Variants in CYB5R4 observed in about 807,000 individuals in gnomAD.
CYB5R4 encodes N-terminal cytochrome b5 and cytochrome b5 oxidoreductase domain-containing protein.
CYB5R4 carries 55 observed loss-of-function variants against 70.2 expected under a neutral mutation model. That is an observed-to-expected ratio of 0.78 (90% CI 0.63 to 0.98). CYB5R4 has a LOEUF of 0.98. CYB5R4 is among the 50% of genes least tolerant of loss of function. The pLI, the probability that CYB5R4 is intolerant of heterozygous loss-of-function variation, is 0.00. For synonymous variants in CYB5R4, 197 were observed against 199.5 expected (o/e 0.99, Z 0.11); for missense variants, 562 against 612.6 (o/e 0.92, Z 0.87).
At chr6:83,894,859 G>T (rs1178424471) in intron 3 of CYB5R4, among the ~76,000 whole-genome samples, 1 of 152,142 alleles carries the variant, frequency 6.6e-6, no homozygotes, top group Non-Finnish European at 1.5e-5. Flanking sequence ...TGAGGAGGAG[G>T]AGGAGAAATA....
intron 14 of CYB5R4, among the ~76,000 whole-genome samples, chr6:83,947,204 CAG>C (rs2099470759): frequency 6.6e-6 from 1 of 152,088 alleles, no homozygotes; most frequent in South Asian, 2.1e-4. Context: ...GGTACCAAAA[CAG>C]ATATATAGAC....
At chr6:83,869,802 G>A (rs1173264509) in intron 2 of CYB5R4, among the ~76,000 whole-genome samples, 3 of 151,524 alleles carry the variant, frequency 2.0e-5, no homozygotes, top group East Asian at 1.9e-4. Flanking sequence ...CAGCCTGGGC[G>A]ACAAGGGCAT....
intron 2 of CYB5R4, among the ~76,000 whole-genome samples, chr6:83,874,271 G>A (rs754832370): frequency 8.0e-5 from 12 of 149,742 alleles, no homozygotes; most frequent in African/African-American, 3.0e-4. Flanking sequence ...GCTCACTGTG[G>A]CCTCAACCTC....
intron 3 of CYB5R4, among the ~76,000 whole-genome samples, chr6:83,897,050 T>A (rs1176507793): frequency 6.7e-6 from 1 of 149,824 alleles, no homozygotes; most frequent in East Asian, 2.0e-4. Context: ...CCTAATGCTA[T>A]CCCTCCCCCG....
intron 11 of CYB5R4, among the ~76,000 whole-genome samples, chr6:83,935,907 C>T (rs917140175): frequency 2.0e-5 from 3 of 151,550 alleles, no homozygotes; most frequent in Non-Finnish European, 4.4e-5. Flanking sequence ...TGTTGTAGCC[C>T]ATTACAAAGT....
At chr6:83,910,132 C>T (rs779131996) in intron 4 of CYB5R4, 9 of 1,610,124 alleles carry the variant, frequency 5.6e-6, no homozygotes, top group Middle Eastern at 3.3e-4. Context: ...TGGGCTGAGA[C>T]ATTACTTTCA....
At chr6:83,872,930 G>A (rs2099457872) in intron 2 of CYB5R4, among the ~76,000 whole-genome samples, 1 of 152,126 alleles carries the variant, frequency 6.6e-6, no homozygotes, top group South Asian at 2.1e-4. Context: ...GGATGCTAGG[G>A]GAAAACATTA....
rs1399647821 is a variant in CYB5R4, at chr6:83,936,253, G to A, written c.985G>A (p.Val329Ile). 15 of 1,601,428 alleles carry A rather than the reference G, an allele frequency of 9.4e-6. No individual in the cohort carries two copies. The highest frequency in any genetic ancestry group is 1.3e-5 in the Non-Finnish European group (15 of 1,176,000). The change falls in exon 12 of 16, where the codon GTA (valine) becomes ATA (isoleucine). Residue 329 changes from valine to isoleucine, a missense_variant. By Grantham distance (29) the Val-to-Ile change is conservative. Coordinates refer to ENST00000369681, the MANE Select transcript of CYB5R4 (RefSeq NM_016230.4). ...GTEIVKPYTPVSGSLLSEFKE... is the reference protein window; with the variant it reads ...GTEIVKPYTPISGSLLSEFKE... ...AGAAATAGTAAAGCCATATACACCTGTATCTGGTTCCTTACTCTCAGAGTT... is the reference window on the plus strand; with the variant it reads ...AGAAATAGTAAAGCCATATACACCTATATCTGGTTCCTTACTCTCAGAGTT...
At position 83,960,071 on chromosome 6, in the gene CYB5R4, A is replaced by G. The variant is rs2099473083; in HGVS notation, c.*193A>G. 4.8e-6 allele frequency: 2 copies of G among 420,970 alleles called. No individual in the cohort carries two copies. The highest frequency in any genetic ancestry group is 4.6e-5 in the Admixed American group (1 of 21,934). The allele number at this position is 420,970 out of a possible 1,614,324, so 26.1% of individuals were successfully genotyped here. A position where few individuals can be genotyped will look rare whatever the true frequency, so the allele number is the denominator to read the frequency against. On this transcript the variant is annotated 3_prime_UTR_variant, in exon 16 of 16. Transcript: ENST00000369681. ...CTTTTGTACCACAACTTATTTTACT[A>G]CTGATATTTGACCTGGAAAGTTAAT...
At chr6:83,907,728 A>G (rs548292677) in intron 3 of CYB5R4, among the ~76,000 whole-genome samples, 13 of 152,124 alleles carry the variant, frequency 8.5e-5, no homozygotes, top group African/African-American at 2.9e-4. Context: ...AACATGTAGT[A>G]TTTGGTTTTC....
Position 83,914,265 on chromosome 6 carries a change from G to T in CYB5R4, c.413-151G>T, listed in dbSNP as rs61762819. ...AACTTACTTGTTTAAAACAAAGGCC[G>T]TTTCTATATTGGCCTGTTTCTCTCC... On this transcript the variant is annotated intron_variant, in intron 4 of 15. Coordinates refer to ENST00000369681, the MANE Select transcript of CYB5R4 (RefSeq NM_016230.4). The T allele has an allele frequency of 1.5e-5, 11 of 740,184 alleles. No individual in the cohort carries two copies. The African/African-American group carries it at 1.7e-4, about 11-fold the overall frequency. 45.9% of individuals were successfully genotyped at this position (740,184 alleles called of 1,614,324 possible).
At position 83,939,259 on chromosome 6, in the gene CYB5R4, T is replaced by C. The variant is rs1200614665; in HGVS notation, c.1109-797T>C. Among the ~76,000 whole-genome samples, 6 of 152,250 alleles carry C rather than the reference T, an allele frequency of 3.9e-5. No homozygotes were observed. In the East Asian group the frequency reaches 1.2e-3, roughly 29 times the overall value. ...AGTATTTTAAATCATTTAAAAATTA[T>C]AGCAGCTTTATTTTTCCTTTTTAAG... On this transcript the variant is annotated intron_variant, in intron 12 of 15. Coordinates refer to ENST00000369681, the MANE Select transcript of CYB5R4 (RefSeq NM_016230.4).
At chr6:83,877,755 A>G (rs936049417) in intron 2 of CYB5R4, among the ~76,000 whole-genome samples, 9 of 152,218 alleles carry the variant, frequency 5.9e-5, no homozygotes, top group African/African-American at 1.7e-4. Flanking sequence ...ACAAATGTCT[A>G]AATCATAGCA....
Position 83,866,913 on chromosome 6 carries a change from C to T in CYB5R4, c.229+2585C>T, listed in dbSNP as rs2099456819. 2.0e-5 allele frequency among the ~76,000 whole-genome samples: 3 copies of T among 152,198 alleles called. No homozygotes were observed. The South Asian group carries it at 6.2e-4, about 31-fold the overall frequency. The stretch of plus-strand genomic sequence containing the variant: ...GGATTACAGGCATGAGCCACCATAC[C>T]TGGCCATGAATTTTTTAGAGGTTTC... On this transcript the variant is annotated intron_variant, in intron 2 of 15. Coordinates refer to ENST00000369681, the MANE Select transcript of CYB5R4 (RefSeq NM_016230.4).
chr6:83,947,089 G>T (rs1159172893), intron 14 of CYB5R4, among the ~76,000 whole-genome samples: 1 of 152,042 alleles, frequency 6.6e-6, no homozygotes, highest in Non-Finnish European at 1.5e-5. Flanking sequence ...AAAAGAGCTC[G>T]TATAGCCAAG....
chr6:83,883,448 C>A (rs1176783878), intron 2 of CYB5R4, among the ~76,000 whole-genome samples: 1 of 152,044 alleles, frequency 6.6e-6, no homozygotes, highest in East Asian at 1.9e-4. Flanking sequence ...TAAAAGCTAA[C>A]AAGGAGAAAA....
At chr6:83,959,440 CA>C (rs2099472969) in intron 15 of CYB5R4, among the ~76,000 whole-genome samples, 1 of 152,054 alleles carries the variant, frequency 6.6e-6, no homozygotes, top group South Asian at 2.1e-4. Flanking sequence ...GGAGACTCAA[CA>C]AATAAAAATC....
intron 2 of CYB5R4, among the ~76,000 whole-genome samples, chr6:83,867,864 C>CT (rs1477192547): frequency 6.6e-6 from 1 of 152,224 alleles, no homozygotes; most frequent in Non-Finnish European, 1.5e-5. Flanking sequence ...CCTGCTTACG[C>CT]TGTACATACA....
intron 2 of CYB5R4, among the ~76,000 whole-genome samples, chr6:83,884,812 T>C (rs2129132319): frequency 6.6e-6 from 1 of 152,324 alleles, no homozygotes; most frequent in Middle Eastern, 3.4e-3. Context: ...ACTGGCATAA[T>C]ATTTGGTATA....
Sources: gnomAD v4.1 joint callset for allele counts (sites outside exome capture counted in the v4.1 genomes callset) on GRCh38, gnomAD v4.1.1 for gene constraint, MANE v1.5 for transcripts, NCBI Gene and HGNC (gene_info 2026-07-23, HGNC 2026-07-21) for gene names.